Variants in MGAT4C observed in about 807,000 individuals in gnomAD.
The protein encoded by MGAT4C is MGAT4 family member C, also known as alpha-1,3-mannosyl-glycoprotein 4-beta-N-acetylglucosaminyltransferase C.
In MGAT4C, 19 loss-of-function variants were observed where a neutral mutation model predicts 40.1. That is an observed-to-expected ratio of 0.47 (90% CI 0.33 to 0.70). MGAT4C has a LOEUF of 0.70. Ranked by LOEUF, MGAT4C falls within the 30% of genes least tolerant of loss-of-function variation. The pLI, the probability that MGAT4C is intolerant of heterozygous loss-of-function variation, is 0.02. For missense variants in MGAT4C, 491 were observed against 563.2 expected (o/e 0.87, Z 1.30); for synonymous variants, 181 against 187.1 (o/e 0.97, Z 0.27).
intron 2 of MGAT4C, among the ~76,000 whole-genome samples, chr12:86,497,603 G>T (rs2136330004): frequency 6.6e-6 from 1 of 151,652 alleles, no homozygotes; most frequent in Non-Finnish European, 1.5e-5. Flanking sequence ...CAGTGTCAGG[G>T]CACTCTCAGA....
chr12:86,570,763 T>C (rs1268421259), intron 2 of MGAT4C, among the ~76,000 whole-genome samples: 1 of 152,130 alleles, frequency 6.6e-6, no homozygotes, highest in Non-Finnish European at 1.5e-5. Context: ...ACTTCAATTA[T>C]AGCCGTGTCC....
chr12:86,309,679 A>G (rs1293777672), intron 4 of MGAT4C, among the ~76,000 whole-genome samples: 1 of 152,242 alleles, frequency 6.6e-6, no homozygotes, highest in African/African-American at 2.4e-5. Context: ...CCATTGCAAC[A>G]GGTTAGTAAA....
intron 2 of MGAT4C, among the ~76,000 whole-genome samples, chr12:86,713,184 A>C (rs1437367211): frequency 1.3e-5 from 2 of 152,126 alleles, no homozygotes; most frequent in Non-Finnish European, 2.9e-5. Flanking sequence ...GTTACTGTTA[A>C]CTTGTGTCTT....
chr12:86,324,348 TGTATAC>T (rs774701603), intron 4 of MGAT4C, among the ~76,000 whole-genome samples: 3 of 152,096 alleles, frequency 2.0e-5, no homozygotes, highest in Non-Finnish European at 2.9e-5. Flanking sequence ...TTTCATGTTT[TGTATAC>T]ATAATTTCCA....
chr12:86,772,910 G>A lies in MGAT4C; in HGVS notation c.-261-45669C>T, dbSNP rs1451860742. 2.6e-5 allele frequency among the ~76,000 whole-genome samples: 4 copies of A among 152,040 alleles called. No homozygotes were observed. The East Asian group carries it at 7.7e-4, about 29-fold the overall frequency. ...CATACCTGGAGTCTCACCCACACGT[G>A]GATCAAATGGCATTTAAATGAGATT... is the stretch of plus-strand genomic sequence containing the variant. On this transcript the variant is annotated intron_variant, in intron 1 of 7. Coordinates refer to the MGAT4C transcript ENST00000548651.
At chr12:86,239,895 A>C in intron 1 of MGAT4C, among the ~76,000 whole-genome samples, 1 of 102,708 alleles carries the variant, frequency 9.7e-6, no homozygotes, top group East Asian at 3.3e-4. Flanking sequence ...GGGAGGGGGG[A>C]GGGATAGCAT....
chr12:86,426,964 AAGAG>A (rs368757199), intron 3 of MGAT4C, among the ~76,000 whole-genome samples: 1 of 151,174 alleles, frequency 6.6e-6, no homozygotes, highest in Non-Finnish European at 1.5e-5. Flanking sequence ...GAAAAAGAAG[AAGAG>A]AGAGAGAGAG....
intron 2 of MGAT4C, among the ~76,000 whole-genome samples, chr12:86,046,567 A>G (rs567662605): frequency 1.3e-5 from 2 of 152,288 alleles, no homozygotes; most frequent in East Asian, 3.9e-4. Context: ...AGATTGAATT[A>G]CCAGGTTCAG....
intron 4 of MGAT4C, among the ~76,000 whole-genome samples, chr12:86,296,591 C>T (rs1057290132): frequency 3.3e-5 from 5 of 152,206 alleles, no homozygotes; most frequent in African/African-American, 7.2e-5. Flanking sequence ...AGCGCAGCGC[C>T]GGTGGGCTGG....
chr12:86,390,133 T>C (rs1211250938), intron 3 of MGAT4C, among the ~76,000 whole-genome samples: 2 of 152,120 alleles, frequency 1.3e-5, no homozygotes, highest in East Asian at 1.9e-4. Flanking sequence ...CCACAGCTTA[T>C]AGGGGAAACA....
chr12:86,564,652 T>A (rs1314673933), intron 2 of MGAT4C, among the ~76,000 whole-genome samples: 2 of 152,204 alleles, frequency 1.3e-5, no homozygotes, highest in Non-Finnish European at 2.9e-5. Context: ...TGTTGAGATA[T>A]TCCTTCTAAG....
intron 2 of MGAT4C, among the ~76,000 whole-genome samples, chr12:86,562,957 A>G (rs1474156049): frequency 6.6e-6 from 1 of 152,148 alleles, no homozygotes; most frequent in Non-Finnish European, 1.5e-5. Context: ...AAGATGGCCC[A>G]TTTTGAGTGA....
intron 1 of MGAT4C, among the ~76,000 whole-genome samples, chr12:86,766,268 AG>A (rs914051980): frequency 6.6e-6 from 1 of 152,096 alleles, no homozygotes; most frequent in Non-Finnish European, 1.5e-5. Context: ...AAAGAGACAA[AG>A]AAGGCCATTA....
intron 2 of MGAT4C, among the ~76,000 whole-genome samples, chr12:86,676,633 A>G (rs1964406700): frequency 6.6e-6 from 1 of 152,144 alleles, no homozygotes; most frequent in Admixed American, 6.6e-5. Context: ...CTATCTTTTT[A>G]GGTAACCTGT....
intron 2 of MGAT4C, among the ~76,000 whole-genome samples, chr12:86,679,819 T>G (rs975311205): frequency 1.3e-5 from 2 of 152,104 alleles, no homozygotes; most frequent in Non-Finnish European, 2.9e-5. Flanking sequence ...GGAATACATT[T>G]CTGCTGTTTA....
intron 1 of MGAT4C, among the ~76,000 whole-genome samples, chr12:86,158,998 T>C (rs978905145): frequency 2.0e-5 from 3 of 152,158 alleles, no homozygotes; most frequent in Non-Finnish European, 4.4e-5. Context: ...TAGTTTGACT[T>C]ATTTTCCTAT....
intron 2 of MGAT4C, among the ~76,000 whole-genome samples, chr12:86,590,354 TCTG>T (rs1295585898): frequency 2.6e-5 from 4 of 151,980 alleles, no homozygotes; most frequent in African/African-American, 9.7e-5. Context: ...CCCCTGTCTT[TCTG>T]CTTTCAACCC....
intron 2 of MGAT4C, among the ~76,000 whole-genome samples, chr12:86,585,887 G>C (rs1961008372): frequency 1.3e-5 from 2 of 150,742 alleles, no homozygotes; most frequent in Non-Finnish European, 3.0e-5. Context: ...GCCCTTTCAT[G>C]CAACATACAT....
intron 2 of MGAT4C, among the ~76,000 whole-genome samples, chr12:86,681,676 C>T (rs775082684): frequency 5.9e-5 from 9 of 151,974 alleles, no homozygotes; most frequent in Middle Eastern, 3.4e-3. Context: ...TTCTATACAC[C>T]TAACAGCTAC....
Sources: allele counts gnomAD v4.1 joint callset (sites outside exome capture counted in the v4.1 genomes callset), GRCh38; gene constraint gnomAD v4.1.1; transcripts MANE v1.5; gene names NCBI Gene and HGNC (gene_info 2026-07-23, HGNC 2026-07-21).